SLC7A14: variants seen among roughly 807,000 people sequenced by gnomAD.
SLC7A14 encodes solute carrier family 7 member 14, also known as gamma-aminobutyric acid transporter SLC7A14.
SLC7A14 carries 37 observed loss-of-function variants against 60.2 expected under a neutral mutation model. The ratio of observed to expected loss-of-function variants is 0.61; its 90% confidence interval spans 0.47 to 0.81. The LOEUF (loss-of-function observed/expected upper bound fraction) is 0.81. SLC7A14 is among the 30% of genes least tolerant of loss of function. The pLI, the probability that SLC7A14 is intolerant of heterozygous loss-of-function variation, is 0.00. For missense variants in SLC7A14, 886 were observed against 982.7 expected (o/e 0.90, Z 1.32); for synonymous variants, 399 against 395.8 (o/e 1.01, Z -0.10).
At chr3:170,549,361 C>T (rs569883081) in intron 1 of SLC7A14, among the ~76,000 whole-genome samples, 19 of 152,170 alleles carry the variant, frequency 1.2e-4, no homozygotes, top group South Asian at 4.2e-4. Flanking sequence ...ACTACAGGCG[C>T]GCACCACCAC....
intron 7 of SLC7A14, among the ~76,000 whole-genome samples, chr3:170,476,056 G>T (rs891677496): frequency 1.3e-5 from 2 of 152,182 alleles, no homozygotes; most frequent in Non-Finnish European, 2.9e-5. Context: ...CATTGATGCT[G>T]CTGGTCTGGG....
rs941062270 is a variant in SLC7A14, at chr3:170,564,946, TTTTTG to T, written c.-153+20960_-153+20964del. Among the ~76,000 whole-genome samples the T allele has an allele frequency of 1.8e-4, 27 of 152,094 alleles. 1 individual carries two copies. The East Asian group carries it at 4.1e-3, about 23-fold the overall frequency. ...AGGCCTATTTTGAGAAGTGAGTGGG[TTTTTG>T]TTTTGTTTTGTTTTGTTTTAGGACT... On this transcript the variant is annotated intron_variant, in intron 1 of 7. Transcript: ENST00000231706.
At position 170,530,689 on chromosome 3, in the gene SLC7A14, C is replaced by T. The variant is rs574990810; in HGVS notation, c.-152-3601G>A. 8.5e-5 allele frequency among the ~76,000 whole-genome samples: 13 copies of T among 152,254 alleles called. No homozygotes were observed. The East Asian group carries it at 1.2e-3, about 14-fold the overall frequency. ...GGCCCTGGGATCCTTTAAGGCAGCC[C>T]GGGATGGATGTAAAAAGGCGAGGGG... is the stretch of plus-strand genomic sequence containing the variant. On this transcript the variant is annotated intron_variant, in intron 1 of 7. Transcript: ENST00000231706.
intron 1 of SLC7A14, among the ~76,000 whole-genome samples, chr3:170,574,625 CA>C: frequency 6.6e-6 from 1 of 152,288 alleles, no homozygotes; most frequent in Non-Finnish European, 1.5e-5. Context: ...CTTCCCTAAC[CA>C]GCTTCTTAAT....
At chr3:170,558,298 G>A (rs917565294) in intron 1 of SLC7A14, among the ~76,000 whole-genome samples, 2 of 152,178 alleles carry the variant, frequency 1.3e-5, no homozygotes, top group Admixed American at 6.5e-5. Context: ...AACCCGGGAA[G>A]CAGAGGTTGC....
At chr3:170,548,877 A>G (rs1714254471) in intron 1 of SLC7A14, among the ~76,000 whole-genome samples, 1 of 119,734 alleles carries the variant, frequency 8.4e-6, no homozygotes, top group African/African-American at 2.6e-5. Context: ...TATGTAATAA[A>G]TTAATTAATT....
At chr3:170,563,413 G>GTTTTTTTTTT (rs200599026) in intron 1 of SLC7A14, among the ~76,000 whole-genome samples, 2 of 111,334 alleles carry the variant, frequency 1.8e-5, no homozygotes, top group Non-Finnish European at 1.7e-5. Flanking sequence ...CTGTTTGTTT[G>GTTTTTTTTTT]TTTGTTTTTT....
chr3:170,529,255 CAT>C (rs1326742847), intron 1 of SLC7A14, among the ~76,000 whole-genome samples: 1 of 152,070 alleles, frequency 6.6e-6, no homozygotes, highest in African/African-American at 2.4e-5. Flanking sequence ...TTTGAATGGA[CAT>C]ATATATATGT....
At chr3:170,577,088 C>T (rs1354791420) in intron 1 of SLC7A14, among the ~76,000 whole-genome samples, 1 of 152,202 alleles carries the variant, frequency 6.6e-6, no homozygotes, top group East Asian at 1.9e-4. Context: ...AAACCCATCT[C>T]TTTCCTCTGG....
chr3:170,481,293 A>G, intron 6 of SLC7A14, 127 bp from the exon 7 acceptor site: 2 of 974,002 alleles, frequency 2.1e-6, no homozygotes, highest in East Asian at 2.7e-5. Context: ...TGCTCCACCA[A>G]TTTACTTCTG....
At chr3:170,485,971 C>G (rs1345378621) in intron 5 of SLC7A14, among the ~76,000 whole-genome samples, 1 of 152,176 alleles carries the variant, frequency 6.6e-6, no homozygotes, top group Non-Finnish European at 1.5e-5. Flanking sequence ...GGGGCAGCAG[C>G]AGACACCAAG....
chr3:170,548,907 T>G (rs1714255685), intron 1 of SLC7A14, among the ~76,000 whole-genome samples: 1 of 152,168 alleles, frequency 6.6e-6, no homozygotes. Flanking sequence ...TTCATTAGAG[T>G]CTGTGTCTCT....
At chr3:170,516,156 C>T (rs1204614340) in intron 2 of SLC7A14, among the ~76,000 whole-genome samples, 2 of 152,168 alleles carry the variant, frequency 1.3e-5, no homozygotes, top group African/African-American at 4.8e-5. Context: ...ATGTGCTCAC[C>T]TTCTCTGAAT....
intron 1 of SLC7A14, among the ~76,000 whole-genome samples, chr3:170,582,527 T>A (rs1331980528): frequency 6.6e-6 from 1 of 152,182 alleles, no homozygotes; most frequent in Non-Finnish European, 1.5e-5. Context: ...AAGGTTCTGG[T>A]TCACAGGGCC....
At chr3:170,511,177 G>A (rs968448423) in intron 2 of SLC7A14, among the ~76,000 whole-genome samples, 1 of 152,116 alleles carries the variant, frequency 6.6e-6, no homozygotes, top group African/African-American at 2.4e-5. Context: ...GCTGAGGTGG[G>A]TGGATCACTC....
chr3:170,498,872 T>G lies in SLC7A14; in HGVS notation c.554A>C (p.Glu185Ala). 6.2e-7 allele frequency: 1 copy of G among 1,614,086 alleles called. No homozygotes were observed. The highest frequency in any genetic ancestry group is 8.5e-7 in the Non-Finnish European group (1 of 1,180,002). The change falls in exon 4 of 8, where the codon GAA becomes GCA. Residue 185 changes from glutamate (E) to alanine (A), a missense_variant. Transcript: ENST00000231706. ...GTLNGLGKGE[E>A]SYPDLLALLI... The stretch of plus-strand genomic sequence containing the variant: ...CAGAGCCAGAAGGTCTGGGTATGAT[T>G]CTTCACCTTTCCCTAGAGAGGAAAG...
chr3:170,539,756 A>C (rs1402468510), intron 1 of SLC7A14, among the ~76,000 whole-genome samples: 1 of 152,146 alleles, frequency 6.6e-6, no homozygotes, highest in East Asian at 1.9e-4. Context: ...TGCAGGGGCT[A>C]CCTTCCAAGA....
At chr3:170,476,213 T>A (rs9872061) in intron 7 of SLC7A14, among the ~76,000 whole-genome samples, 47,356 of 152,048 alleles carry the variant, frequency 0.31, 8,472 homozygotes, top group African/African-American at 0.49. Flanking sequence ...GGGCTTAGAA[T>A]GTTTCAGAAG....
chr3:170,492,189 G>A (rs1204692787), intron 4 of SLC7A14, among the ~76,000 whole-genome samples: 1 of 152,170 alleles, frequency 6.6e-6, no homozygotes, highest in Non-Finnish European at 1.5e-5. Flanking sequence ...ATGCATAAAA[G>A]CACATGTGCA....
Sources: gnomAD v4.1 joint callset for allele counts (sites outside exome capture counted in the v4.1 genomes callset) on GRCh38, gnomAD v4.1.1 for gene constraint, MANE v1.5 for transcripts, NCBI Gene and HGNC (gene_info 2026-07-23, HGNC 2026-07-21) for gene names.